The following SLAMF9 variants were observed in gnomAD, a reference collection of about 807,000 sequenced individuals.
SLAMF9 encodes SLAM family member 9, also known as CD2 family member 10.
In SLAMF9, 25 loss-of-function variants were observed where a neutral mutation model predicts 30.4. The ratio of observed to expected loss-of-function variants is 0.82; its 90% confidence interval spans 0.60 to 1.15. SLAMF9 has a LOEUF of 1.15. SLAMF9 is among the 50% of genes most tolerant of loss of function. The pLI, the probability that SLAMF9 is intolerant of heterozygous loss-of-function variation, is 0.00. For missense variants in SLAMF9, 344 were observed against 346.1 expected, an observed-to-expected ratio of 0.99 and a Z score of 0.05; for synonymous variants, 129 against 127.2, an observed-to-expected ratio of 1.01 and a Z score of -0.09.
chr1:159,960,707 G>A, the SLAMF9 span, among the ~76,000 whole-genome samples: 2 of 152,228 alleles, frequency 1.3e-5, no homozygotes, highest in Middle Eastern at 3.4e-3. Flanking sequence ...ACCCGCCTTG[G>A]CCTCCCAAAG....
the SLAMF9 span, among the ~76,000 whole-genome samples, chr1:159,979,820 G>C: frequency 5.9e-5 from 9 of 152,318 alleles, no homozygotes; most frequent in South Asian, 1.9e-3. Context: ...CGAAGTGTCA[G>C]GTTGCTGTGA....
the SLAMF9 span, among the ~76,000 whole-genome samples, chr1:159,974,943 ATCACAAGG>A: frequency 6.6e-6 from 1 of 152,166 alleles, no homozygotes; most frequent in Non-Finnish European, 1.5e-5. Context: ...ACTTATGAGG[ATCACAAGG>A]TCCCTGAGCA....
At chr1:159,961,672 G>T in the SLAMF9 span, among the ~76,000 whole-genome samples, 1 of 152,150 alleles carries the variant, frequency 6.6e-6, no homozygotes, top group Admixed American at 6.5e-5. Context: ...AGTGTTCCTC[G>T]CAGAGGGAGC....
At chr1:159,978,083 A>G in the SLAMF9 span, among the ~76,000 whole-genome samples, 1 of 152,148 alleles carries the variant, frequency 6.6e-6, no homozygotes, top group Non-Finnish European at 1.5e-5. Context: ...CCACCAGGTC[A>G]TAGTTCCTAT....
At chr1:159,976,916 G>T in the SLAMF9 span, 98 of 818 alleles carry the variant, frequency 0.12, 1 homozygote, top group South Asian at 0.25. Flanking sequence ...AAGAAAAAAA[G>T]AAAGAAAGAA....
chr1:159,974,966 C>G, the SLAMF9 span, among the ~76,000 whole-genome samples: 15 of 152,154 alleles, frequency 9.9e-5, no homozygotes, highest in African/African-American at 3.6e-4. Flanking sequence ...TGAGCATAGG[C>G]CCGGGTGTTC....
chr1:159,976,940 G>GA, the SLAMF9 span: 2 of 5,102 alleles, frequency 3.9e-4, no homozygotes, highest in Admixed American at 8.8e-3. Context: ...AAGAAAGAAA[G>GA]AAAGAAAGAA....
chr1:159,972,998 C>T, the SLAMF9 span: 21 of 1,401,854 alleles, frequency 1.5e-5, no homozygotes, highest in African/African-American at 2.5e-4. Context: ...CTCATTTACC[C>T]TGCACTCTGA....
the SLAMF9 span, chr1:159,973,233 T>G: frequency 1.8e-6 from 2 of 1,109,424 alleles, no homozygotes; most frequent in Admixed American, 3.6e-5. Flanking sequence ...GCTTCCCTCT[T>G]AGGGCTCAGG....
chr1:159,964,707 G>A, the SLAMF9 span, among the ~76,000 whole-genome samples: 6 of 152,178 alleles, frequency 3.9e-5, no homozygotes, highest in African/African-American at 9.7e-5. Context: ...CGGGTCTCCC[G>A]GTGTCTTGTT....
the SLAMF9 span, among the ~76,000 whole-genome samples, chr1:159,968,877 C>T: frequency 6.6e-6 from 1 of 152,052 alleles, no homozygotes; most frequent in African/African-American, 2.4e-5. Flanking sequence ...ATGGTGAAAC[C>T]TCATTTCTAC....
chr1:159,961,934 G>A, the SLAMF9 span, among the ~76,000 whole-genome samples: 11 of 152,134 alleles, frequency 7.2e-5, no homozygotes, highest in Middle Eastern at 3.4e-3. Flanking sequence ...GGAGGCGGGC[G>A]GATCACAAGG....
the SLAMF9 span, chr1:159,965,647 T>G: frequency 6.6e-6 from 1 of 152,224 alleles, no homozygotes; most frequent in Non-Finnish European, 1.5e-5. Flanking sequence ...TCTAATAAGG[T>G]ATGTACCTTC....
chr1:159,959,484 G>A, the SLAMF9 span, among the ~76,000 whole-genome samples: 2 of 152,130 alleles, frequency 1.3e-5, no homozygotes, highest in Non-Finnish European at 2.9e-5. Context: ...AGCTACCCAT[G>A]ACAAACATTC....
chr1:159,963,380 C>T, the SLAMF9 span, among the ~76,000 whole-genome samples: 1 of 152,164 alleles, frequency 6.6e-6, no homozygotes, highest in Non-Finnish European at 1.5e-5. Context: ...TAGCTGGCAG[C>T]ACCAATCAGC....
chr1:159,963,821 G>A, the SLAMF9 span, among the ~76,000 whole-genome samples: 1 of 152,140 alleles, frequency 6.6e-6, no homozygotes, highest in Non-Finnish European at 1.5e-5. Context: ...AGCACTTTGG[G>A]AGGCCGAGGC....
At chr1:159,974,206 C>G in the SLAMF9 span, 1 of 638,922 alleles carries the variant, frequency 1.6e-6, no homozygotes, top group Non-Finnish European at 2.8e-6. Flanking sequence ...TCCAGTCCTT[C>G]ATGCTGACCA....
chr1:159,981,099 G>A, the SLAMF9 span, among the ~76,000 whole-genome samples: 5 of 152,126 alleles, frequency 3.3e-5, no homozygotes, highest in East Asian at 1.9e-4. Context: ...CCCGTATCTC[G>A]GAATGTGATT....
chr1:159,954,727 T>G (rs563860361), upstream of SLAMF9, among the ~76,000 whole-genome samples: 1 of 152,324 alleles, frequency 6.6e-6, no homozygotes, highest in African/African-American at 2.4e-5. Flanking sequence ...TAAAGCTAGT[T>G]ATGTTCCCAC....
Sources: allele counts gnomAD v4.1 joint callset (sites outside exome capture counted in the v4.1 genomes callset), GRCh38; gene constraint gnomAD v4.1.1; transcripts MANE v1.5; gene names NCBI Gene and HGNC (gene_info 2026-07-23, HGNC 2026-07-21).